Variants in ZIC4 observed in about 807,000 individuals in gnomAD.
The protein encoded by ZIC4 is zinc finger protein ZIC 4.
In ZIC4, 15 loss-of-function variants were observed where a neutral mutation model predicts 28.8. The ratio of observed to expected loss-of-function variants is 0.52; its 90% confidence interval spans 0.35 to 0.80. ZIC4 has a LOEUF of 0.80. ZIC4 is among the 30% of genes least tolerant of loss of function. The pLI is 0.01. For missense variants in ZIC4, 512 were observed against 467.1 expected (o/e 1.10, Z -0.89); for synonymous variants, 220 against 198.1 (o/e 1.11, Z -0.93).
At chr3:147,393,482 C>T in intron 3 of ZIC4, 1 of 169,564 alleles carries the variant, frequency 5.9e-6, no homozygotes. Context: ...TTGGGCTAGG[C>T]CCCTGCAGCC....
intron 2 of ZIC4, 64 bp downstream of exon 2, chr3:147,402,664 A>AAT: frequency 3.4e-6 from 5 of 1,462,560 alleles, no homozygotes; most frequent in Non-Finnish European, 4.6e-6. Flanking sequence ...ACTTAAAAAA[A>AAT]AAAAAGAAGA....
Position 147,388,827 on chromosome 3 carries a change from G to A in ZIC4, c.*32C>T, listed in dbSNP as rs2086847607. 1 of 778,956 alleles carries A rather than the reference G, an allele frequency of 1.3e-6. No homozygotes were observed. The highest frequency in any genetic ancestry group is 2.4e-6 in the Non-Finnish European group (1 of 417,562). The allele number at this position is 778,956 out of a possible 1,614,324, so 48.3% of individuals were successfully genotyped here. On this transcript the variant is annotated 3_prime_UTR_variant, in exon 5 of 5. Coordinates refer to ENST00000383075, the MANE Select transcript of ZIC4 (RefSeq NM_032153.6). ...GATGCGGGGCGCTCAGCTGCGCGGA[G>A]CGAGATTACCTTGCGAGCAACGCGG...
intron 1 of ZIC4, chr3:147,403,723 C>T (rs1177918687): frequency 2.6e-6 from 1 of 381,020 alleles, no homozygotes; most frequent in Non-Finnish European, 4.7e-6. Flanking sequence ...CACAGCAAGT[C>T]CTCTGTCAAT....
At chr3:147,402,927 C>T (rs879072454) in intron 1 of ZIC4, 115 bp from the exon 2 acceptor site, 11 of 862,390 alleles carry the variant, frequency 1.3e-5, no homozygotes, top group Middle Eastern at 2.3e-4. Context: ...GAAGATCTTT[C>T]GGTCTTTCTT....
Position 147,396,358 on chromosome 3 carries a change from C to T in ZIC4, c.182G>A (p.Gly61Glu), listed in dbSNP as rs1299622238. The T allele has an allele frequency of 2.6e-6, 4 of 1,556,814 alleles. No individual in the cohort carries two copies. The African/African-American group carries it at 5.5e-5, about 21-fold the overall frequency. Residue 61 changes from glycine (G) to glutamate (E), a missense_variant, in exon 3 of 5, where the codon GGA (glycine) becomes GAA (glutamate). Physicochemically the swap from Gly to Glu is moderately conservative, Grantham distance 98. This residue lies in a region of ZIC4 where 310 missense variants were observed against 256.5 expected (regional missense o/e 1.21). Coordinates refer to ENST00000383075, the MANE Select transcript of ZIC4 (RefSeq NM_032153.6). The surrounding 1 kb of genome is among the most constrained non-coding windows in gnomAD (Gnocchi z 4.2). ...TCCAGGGAGCCCCAGACGCAGGAGT[C>T]CATTCAAAGGACGGCTGGGGGAGGC... ...PQASPSRPLN[G>E]LLRLGLPGDM...
Position 147,396,343 on chromosome 3 carries a change from C to G in ZIC4, c.197G>C (p.Gly66Ala). 2 of 1,573,126 alleles carry G rather than the reference C, an allele frequency of 1.3e-6. No individual in the cohort carries two copies. The highest frequency in any genetic ancestry group is 1.9e-5 in the Admixed American group (1 of 53,364). The change falls in exon 3 of 5, where the codon GGG becomes GCG. Residue 66 changes from glycine (G) to alanine (A), a missense_variant. Physicochemically the swap from Gly to Ala is moderately conservative, Grantham distance 60. Transcript: ENST00000383075. The surrounding 1 kb of genome is among the most constrained non-coding windows in gnomAD (Gnocchi z 4.2). The stretch of plus-strand genomic sequence containing the variant: ...CCGCGCGTACATGTCTCCAGGGAGC[C>G]CCAGACGCAGGAGTCCATTCAAAGG... ...SRPLNGLLRLGLPGDMYARPE... is the reference protein window; with the variant it reads ...SRPLNGLLRLALPGDMYARPE...
intron 3 of ZIC4, chr3:147,393,914 T>C (rs1225579143): frequency 4.4e-6 from 2 of 456,712 alleles, no homozygotes; most frequent in East Asian, 1.4e-4. Context: ...GTGCGGACAG[T>C]CGCCTTCAAA....
Position 147,396,124 on chromosome 3 carries a change from G to A in ZIC4, c.416C>T (p.Ala139Val). Residue 139 changes from alanine to valine, a missense_variant, in exon 3 of 5, where the codon GCG becomes GTG. Ala to Val is a moderately conservative substitution (Grantham distance 64). This residue lies in a region of ZIC4 where 310 missense variants were observed against 256.5 expected (regional missense o/e 1.21). Transcript: ENST00000383075. The surrounding 1 kb of genome is among the most constrained non-coding windows in gnomAD (Gnocchi z 4.2). ...ICKWLAADGT[A>V]TPSLCSKTFS... ...AGTTTTGGAGCAGAGGCTCGGGGTC[G>A]CGGTGCCGTCGGCCGCCAGCCACTT... The A allele has an allele frequency of 6.2e-7, 1 of 1,614,004 alleles. No homozygotes were observed. The highest frequency in any genetic ancestry group is 8.5e-7 in the Non-Finnish European group (1 of 1,180,022).
chr3:147,395,730 T>C, intron 3 of ZIC4, 122 bp downstream of exon 3: 4 of 1,442,262 alleles, frequency 2.8e-6, no homozygotes, highest in Non-Finnish European at 3.7e-6. Context: ...TTTATGGCCT[T>C]GGCTCATGGA....
chr3:147,400,506 G>A (rs1381956221), intron 2 of ZIC4, among the ~76,000 whole-genome samples: 8 of 152,178 alleles, frequency 5.3e-5, no homozygotes, highest in African/African-American at 1.9e-4. Context: ...TGAGTAGCCA[G>A]GGGTCAGTAG....
intron 3 of ZIC4, among the ~76,000 whole-genome samples, chr3:147,393,242 A>T (rs974887119): frequency 1.2e-4 from 18 of 152,070 alleles, no homozygotes; most frequent in African/African-American, 4.1e-4. Flanking sequence ...CGAGGAGCAG[A>T]GGAGAAAACA....
intron 4 of ZIC4, among the ~76,000 whole-genome samples, chr3:147,389,652 C>T (rs1253064606): frequency 6.6e-6 from 1 of 152,112 alleles, no homozygotes; most frequent in Admixed American, 6.5e-5. Context: ...TCGCCCCCTC[C>T]TTCAACATCT....
chr3:147,394,169 A>T (rs983135736), intron 3 of ZIC4, among the ~76,000 whole-genome samples: 3 of 148,928 alleles, frequency 2.0e-5, no homozygotes, highest in Non-Finnish European at 4.4e-5. Context: ...TTTTATGACT[A>T]GGAGGGGGAT....
intron 2 of ZIC4, 114 bp downstream of exon 2, chr3:147,402,612 ACT>A: frequency 3.3e-6 from 3 of 905,470 alleles, no homozygotes; most frequent in South Asian, 1.8e-5. Context: ...CTCCCCCCAA[ACT>A]CTCAACCCAA....
In ZIC4 at chr3:147,405,316, T is replaced by G. The variant is rs148681894; in HGVS notation, c.-16+1047A>C. The G allele has an allele frequency of 2.1e-5, 31 of 1,451,200 alleles. No individual in the cohort carries two copies. The East Asian group carries it at 6.9e-4, about 32-fold the overall frequency. 89.9% of individuals were successfully genotyped at this position (1,451,200 alleles called of 1,614,324 possible). A position where few individuals can be genotyped will look rare whatever the true frequency, so the allele number is the denominator to read the frequency against. On this transcript the variant is annotated intron_variant, in intron 1 of 4. Coordinates refer to ENST00000383075, the MANE Select transcript of ZIC4 (RefSeq NM_032153.6). ...TGAGACAGGAGAAAAAAGAGCAGCA[T>G]GCAGTGGTGTGGGTCGCTGCGAGGA... is the stretch of plus-strand genomic sequence containing the variant.
rs746788102 is a variant in ZIC4 at position 147,396,542 on chromosome 3, G to A, written c.71-73C>T. ...CGCGCTCTTCCCTGGGCCCCGGGGGGCAGGCCCAGCCCTGCCGCACTACGG... is the reference window on the plus strand; with the variant it reads ...CGCGCTCTTCCCTGGGCCCCGGGGGACAGGCCCAGCCCTGCCGCACTACGG... On this transcript the variant is annotated intron_variant, in intron 2 of 4. Transcript: ENST00000383075. The surrounding 1 kb of genome is among the most constrained non-coding windows in gnomAD (Gnocchi z 4.2). 5.9e-4 allele frequency: 867 copies of A among 1,469,378 alleles called. No individual in the cohort carries two copies. Among genetic ancestry groups the A allele is most frequent in the Non-Finnish European group, 7.5e-4 (836 of 1,118,520 alleles). 91.0% of individuals were successfully genotyped at this position (1,469,378 alleles called of 1,614,324 possible).
chr3:147,395,813 C>T, intron 3 of ZIC4, 39 bp downstream of exon 3: 5 of 1,578,498 alleles, frequency 3.2e-6, no homozygotes, highest in South Asian at 2.4e-5. Context: ...CCTGCTTCCC[C>T]AGAGGGTCCG....
rs139435566 is a variant in ZIC4 at position 147,398,200 on chromosome 3, C to T, written c.71-1731G>A. 7.4e-3 allele frequency among the ~76,000 whole-genome samples: 1,131 copies of T among 152,312 alleles called. 17 individuals carry two copies. Among genetic ancestry groups the T allele is most frequent in the African/African-American group, 0.026 (1,073 of 41,570 alleles). Reference sequence around the variant, plus strand: ...GGATCTCCCTGGGCAAATCAGGGATCCTGAGCGCTATACCCCGCAGTCGTA... The same window carrying T: ...GGATCTCCCTGGGCAAATCAGGGATTCTGAGCGCTATACCCCGCAGTCGTA... On this transcript the variant is annotated intron_variant, in intron 2 of 4. Transcript: ENST00000383075.
chr3:147,402,882 G>T, intron 1 of ZIC4, 70 bp from the exon 2 acceptor site: 1 of 1,288,314 alleles, frequency 7.8e-7, no homozygotes, highest in Non-Finnish European at 1.1e-6. Flanking sequence ...AACATCCTGT[G>T]GTTTGAATGT....
Sources: gnomAD v4.1 joint callset for allele counts (sites outside exome capture counted in the v4.1 genomes callset) on GRCh38, gnomAD v4.1.1 for gene constraint, gnomAD v4.1.1 regional missense constraint, Gnocchi (gnomAD v3.1) non-coding constraint, MANE v1.5 for transcripts, NCBI Gene and HGNC (gene_info 2026-07-23, HGNC 2026-07-21) for gene names.